FBH1: variants seen among roughly 807,000 people sequenced by gnomAD.
The protein encoded by FBH1 is DNA 3'-5' helicase 1.
FBH1 carries 43 observed loss-of-function variants against 115.5 expected under a neutral mutation model. The observed-to-expected ratio is 0.37, with a 90% CI of 0.29 to 0.48. The LOEUF is 0.48. Ranked by LOEUF, FBH1 falls within the 20% of genes least tolerant of loss-of-function variation. The probability of loss-of-function intolerance (pLI) is 0.99; values close to 1 mark genes in which losing one functional copy is unlikely to be tolerated. For synonymous variants in FBH1, 524 were observed against 507.8 expected, an observed-to-expected ratio of 1.03 and a Z score of -0.43; for missense variants, 1,001 against 1,337.3, an observed-to-expected ratio of 0.75 and a Z score of 3.92.
In FBH1 at chr10:5,924,225, G is replaced by GGA; in HGVS notation, c.2399-86_2399-85insGA. On this transcript the variant is annotated intron_variant, in intron 16 of 20. Coordinates refer to ENST00000362091, the MANE Select transcript of FBH1 (RefSeq NM_178150.3). The surrounding 1 kb of genome is among the most constrained non-coding windows in gnomAD (Gnocchi z 6.2). ...CCCCACTTTAAGACCATCTGCTCTT[G>GGA]CGCAGCTGCTTAGGAACGTGCAGCA... The GGA allele has an allele frequency of 7.4e-7, 1 of 1,345,670 alleles. No homozygotes were observed. The highest frequency in any genetic ancestry group is 2.4e-5 in the East Asian group (1 of 42,304). 83.4% of individuals were successfully genotyped at this position (1,345,670 alleles called of 1,614,324 possible). A position where few individuals can be genotyped will look rare whatever the true frequency, so the allele number is the denominator to read the frequency against.
intron 1 of FBH1, among the ~76,000 whole-genome samples, chr10:5,898,206 G>C (rs954568101): frequency 2.6e-5 from 4 of 152,214 alleles, no homozygotes; most frequent in Non-Finnish European, 1.5e-5. Context: ...CTCACTCACA[G>C]ATCTGGAGGC....
intron 1 of FBH1, among the ~76,000 whole-genome samples, chr10:5,893,269 G>A (rs1365755343): frequency 1.3e-5 from 2 of 152,210 alleles, no homozygotes; most frequent in African/African-American, 4.8e-5. Flanking sequence ...CTGTGCCATT[G>A]TACCCCAGCC....
At position 5,932,470 on chromosome 10, in the gene FBH1, C is replaced by CTT. The variant is rs1036530196; in HGVS notation, c.2830-3984_2830-3983dup. Among the ~76,000 whole-genome samples, 16 of 152,154 alleles carry CTT rather than the reference C, an allele frequency of 1.1e-4. No individual in the cohort carries two copies. Among genetic ancestry groups the CTT allele is most frequent in the African/African-American group, 3.9e-4 (16 of 41,442 alleles). ...GTCCTACCCAAATTAGGAAATCCCT[C>CTT]TTTATCAGCTCACAGAGCTCTCTCG... is the stretch of plus-strand genomic sequence containing the variant. On this transcript the variant is annotated intron_variant, in intron 19 of 20. Transcript: ENST00000362091. The surrounding 1 kb of genome is among the most constrained non-coding windows in gnomAD (Gnocchi z 5.9).
chr10:5,923,732 C>A lies in FBH1; in HGVS notation c.2398+36C>A. On this transcript the variant is annotated intron_variant, in intron 16 of 20. Transcript: ENST00000362091. This position sits in a 1 kb window ranked among gnomAD's most constrained non-coding sequence, Gnocchi z 5.7. ...ACCTGGCCTTGGTGCATTGGAAGGACGCACCCAAGTGACAGGGACGAGAAA... is the reference window on the plus strand; with the variant it reads ...ACCTGGCCTTGGTGCATTGGAAGGAAGCACCCAAGTGACAGGGACGAGAAA... The A allele has an allele frequency of 6.4e-7, 1 of 1,569,832 alleles. No individual in the cohort carries two copies. Among genetic ancestry groups the A allele is most frequent in the Non-Finnish European group, 8.7e-7 (1 of 1,143,282 alleles).
At chr10:5,894,208 CTTTTAGAGCTAA>C (rs763312949) in intron 1 of FBH1, 80 of 985,300 alleles carry the variant, frequency 8.1e-5, no homozygotes, top group Non-Finnish European at 9.4e-5. Flanking sequence ...GCATTCGTTT[CTTTTAGAGCTAA>C]TGGGGACACA....
In FBH1 at chr10:5,921,663, C is replaced by A; in HGVS notation, c.2322+94C>A. On this transcript the variant is annotated intron_variant, in intron 15 of 20. Transcript: ENST00000362091. This position sits in a 1 kb window ranked among gnomAD's most constrained non-coding sequence, Gnocchi z 6.4. ...GTTCACCTTCCTTGGGATTATCATG[C>A]AAGAAAGCATTTGGGTTTTTGACTC... The A allele has an allele frequency of 3.9e-6, 6 of 1,524,418 alleles. No individual in the cohort carries two copies. Among genetic ancestry groups the A allele is most frequent in the Non-Finnish European group, 3.5e-6 (4 of 1,139,028 alleles). The allele number at this position is 1,524,418 out of a possible 1,614,324, so 94.4% of individuals were successfully genotyped here.
chr10:5,902,789 A>C (rs940180981), intron 1 of FBH1, among the ~76,000 whole-genome samples: 1 of 152,132 alleles, frequency 6.6e-6, no homozygotes, highest in African/African-American at 2.4e-5. Context: ...AAGTAGAAAA[A>C]AAAACTTAAG....
chr10:5,908,063 A>C (rs1843827293), intron 3 of FBH1, among the ~76,000 whole-genome samples: 2 of 151,960 alleles, frequency 1.3e-5, no homozygotes, highest in African/African-American at 4.8e-5. Context: ...TGTTTTCCTT[A>C]TTTATCTTCT....
At chr10:5,894,980 A>G in intron 1 of FBH1, 1 of 1,542,162 alleles carries the variant, frequency 6.5e-7, no homozygotes, top group Non-Finnish European at 8.8e-7. Flanking sequence ...TCCTGGCTTG[A>G]GTGAATACTT....
intron 1 of FBH1, among the ~76,000 whole-genome samples, chr10:5,893,659 T>C (rs115837810): frequency 0.018 from 2,673 of 152,344 alleles, 76 homozygotes; most frequent in African/African-American, 0.06. Context: ...TTCTTTACTA[T>C]CATAACACTT....
In FBH1 at chr10:5,906,403, C is replaced by T. The variant is rs759756063; in HGVS notation, c.524C>T (p.Ala175Val). The T allele has an allele frequency of 1.7e-5, 27 of 1,614,012 alleles. No individual in the cohort carries two copies. In the South Asian group the frequency reaches 2.5e-4, roughly 15 times the overall value. The change falls in exon 3 of 21, where the codon GCG becomes GTG. Residue 175 changes from alanine (A) to valine (V), a missense_variant. Physicochemically the swap from Ala to Val is moderately conservative, Grantham distance 64. This residue lies in a region of FBH1 where 420 missense variants were observed against 430.4 expected (regional missense o/e 0.98). Transcript: ENST00000362091. This position sits in a 1 kb window ranked among gnomAD's most constrained non-coding sequence, Gnocchi z 7.3. ...GAGGACAGTACGTCTCGGCTCTCTGCGGAGTCTGGTGAAACCGACCAAGAT... is the reference window on the plus strand; with the variant it reads ...GAGGACAGTACGTCTCGGCTCTCTGTGGAGTCTGGTGAAACCGACCAAGAT... ...EAEDSTSRLS[A>V]ESGETDQDAG...
intron 2 of FBH1, among the ~76,000 whole-genome samples, chr10:5,903,604 C>T (rs1036111830): frequency 2.0e-5 from 3 of 152,118 alleles, no homozygotes; most frequent in Non-Finnish European, 2.9e-5. Flanking sequence ...GCTGGGATTA[C>T]AGGTGTGAGC....
chr10:5,895,099 G>A lies in FBH1; in HGVS notation c.1+4753G>A. 1 of 1,613,980 alleles carries A rather than the reference G, an allele frequency of 6.2e-7. No individual in the cohort carries two copies. The stretch of plus-strand genomic sequence containing the variant: ...AAGTGCCTGAGTCATGTGATAATGG[G>A]CTACATTGCGCAGGGCCCCTGGGCC... On this transcript the variant is annotated intron_variant, in intron 1 of 20. Coordinates refer to ENST00000362091, the MANE Select transcript of FBH1 (RefSeq NM_178150.3). The surrounding 1 kb of genome is among the most constrained non-coding windows in gnomAD (Gnocchi z 5.0).
chr10:5,903,545 T>C (rs1247649331), intron 2 of FBH1, among the ~76,000 whole-genome samples: 1 of 151,976 alleles, frequency 6.6e-6, no homozygotes, highest in Non-Finnish European at 1.5e-5. Flanking sequence ...GTCAGGCTGG[T>C]CTCGAACTCC....
rs1020382809 is a variant in FBH1 at position 5,918,817 on chromosome 10, G to A, written c.2100+339G>A. Reference sequence around the variant, plus strand: ...TTCAAAGACAAGTGAAACAAGCTGCGACTTCAGGGAAAATAACTGACAGTG... The same window carrying A: ...TTCAAAGACAAGTGAAACAAGCTGCAACTTCAGGGAAAATAACTGACAGTG... On this transcript the variant is annotated intron_variant, in intron 13 of 20. Coordinates refer to ENST00000362091, the MANE Select transcript of FBH1 (RefSeq NM_178150.3). This position sits in a 1 kb window ranked among gnomAD's most constrained non-coding sequence, Gnocchi z 4.0. 6.6e-6 allele frequency among the ~76,000 whole-genome samples: 1 copy of A among 152,182 alleles called. No homozygotes were observed. Among genetic ancestry groups the A allele is most frequent in the African/African-American group, 2.4e-5 (1 of 41,444 alleles).
rs1338363094 is a variant in FBH1 at position 5,933,064 on chromosome 10, T to C, written c.2830-3392T>C. Among the ~76,000 whole-genome samples, 3 of 152,132 alleles carry C rather than the reference T, an allele frequency of 2.0e-5. No individual in the cohort carries two copies. The highest frequency in any genetic ancestry group is 3.9e-4 in the East Asian group (2 of 5,172). On this transcript the variant is annotated intron_variant, in intron 19 of 20. Transcript: ENST00000362091. The surrounding 1 kb of genome is among the most constrained non-coding windows in gnomAD (Gnocchi z 4.9). ...GCCAATTTTTTCATGGAGATTGTTA[T>C]CACTTTAGAGTCCCACCAGTTGTAT...
intron 3 of FBH1, among the ~76,000 whole-genome samples, chr10:5,908,051 T>C (rs1281478279): frequency 6.6e-6 from 1 of 152,218 alleles, no homozygotes; most frequent in Non-Finnish European, 1.5e-5. Context: ...GTTCAGATCC[T>C]CTGTTTTCCT....
chr10:5,918,406 G>T lies in FBH1; in HGVS notation c.2028G>T (p.Gln676His), dbSNP rs750005280. The part of the protein sequence containing the change: ...GKIFVGDPHQ[Q>H]IYTFRGAVNA... ...TCTTTGTAGGGGACCCGCACCAGCA[G>T]ATCTATACCTTCCGGGGTGCGGTCA... Residue 676 changes from glutamine to histidine, a missense_variant, in exon 13 of 21, where the codon CAG becomes CAT. Around this residue, in one of 4 missense-constraint regions of FBH1, gnomAD observed 521 missense variants for 811.0 expected, o/e 0.64. Coordinates refer to ENST00000362091, the MANE Select transcript of FBH1 (RefSeq NM_178150.3). The surrounding 1 kb of genome is among the most constrained non-coding windows in gnomAD (Gnocchi z 4.0). The T allele has an allele frequency of 6.2e-7, 1 of 1,613,516 alleles. No individual in the cohort carries two copies. The highest frequency in any genetic ancestry group is 8.5e-7 in the Non-Finnish European group (1 of 1,179,810).
In FBH1 at chr10:5,895,498, A is replaced by G. The variant is rs1326877837; in HGVS notation, c.1+5152A>G. Among the ~76,000 whole-genome samples, 2 of 151,620 alleles carry G rather than the reference A, an allele frequency of 1.3e-5. No homozygotes were observed. Among genetic ancestry groups the G allele is most frequent in the South Asian group, 4.2e-4 (2 of 4,744 alleles). On this transcript the variant is annotated intron_variant, in intron 1 of 20. Coordinates refer to ENST00000362091, the MANE Select transcript of FBH1 (RefSeq NM_178150.3). The surrounding 1 kb of genome is among the most constrained non-coding windows in gnomAD (Gnocchi z 5.0). ...TAGTAAAGGTAGAGGAAGAAAGGAAATTATTTGGTATCCATTTCAAATGAT... is the reference window on the plus strand; with the variant it reads ...TAGTAAAGGTAGAGGAAGAAAGGAAGTTATTTGGTATCCATTTCAAATGAT...
Sources: gnomAD v4.1 joint callset for allele counts (sites outside exome capture counted in the v4.1 genomes callset) on GRCh38, gnomAD v4.1.1 for gene constraint, gnomAD v4.1.1 regional missense constraint, Gnocchi (gnomAD v3.1) non-coding constraint, MANE v1.5 for transcripts, NCBI Gene and HGNC (gene_info 2026-07-23, HGNC 2026-07-21) for gene names.